The following GOLGA3 variants were observed in gnomAD, a reference collection of about 807,000 sequenced individuals.
GOLGA3 encodes golgin subfamily A member 3.
A neutral mutation model predicts 169.4 loss-of-function variants in GOLGA3; 75 were observed. That is an observed-to-expected ratio of 0.44 (90% CI 0.37 to 0.54). The LOEUF is 0.54. Ranked by LOEUF, GOLGA3 falls within the 20% of genes least tolerant of loss-of-function variation. GOLGA3 has a pLI of 0.00. For missense variants in GOLGA3, 1,899 were observed against 1,930.0 expected (o/e 0.98, Z 0.30); for synonymous variants, 824 against 822.4 (o/e 1.00, Z -0.03).
intron 11 of GOLGA3, among the ~76,000 whole-genome samples, chr12:132,795,503 G>A (rs905456902): frequency 5.3e-5 from 8 of 151,978 alleles, no homozygotes; most frequent in African/African-American, 1.9e-4. Context: ...GGTTCAGCCT[G>A]TAATCCCAGC....
intron 3 of GOLGA3, among the ~76,000 whole-genome samples, chr12:132,816,119 A>G (rs1280824944): frequency 1.3e-5 from 2 of 151,728 alleles, no homozygotes; most frequent in African/African-American, 4.8e-5. Context: ...AATGGCATGA[A>G]CCCAGGAGGC....
At chr12:132,775,827 C>T (rs187164369) in intron 21 of GOLGA3, among the ~76,000 whole-genome samples, 28 of 152,358 alleles carry the variant, frequency 1.8e-4, no homozygotes, top group South Asian at 2.1e-4. Flanking sequence ...ACTCCTTTCC[C>T]GAGCAGTCAA....
chr12:132,826,095 G>A (rs1431775627), intron 1 of GOLGA3: 11 of 1,488,484 alleles, frequency 7.4e-6, no homozygotes, highest in Admixed American at 6.7e-5. Flanking sequence ...GGCGAGTGCC[G>A]GCCTTGCCGG....
At chr12:132,816,376 T>G (rs933598062) in intron 3 of GOLGA3, among the ~76,000 whole-genome samples, 164 bp downstream of exon 3, 3 of 152,156 alleles carry the variant, frequency 2.0e-5, no homozygotes, top group Non-Finnish European at 2.9e-5. Context: ...CTCTCTAACT[T>G]GAAGCTCTCC....
Position 132,768,986 on chromosome 12 carries a change from A to C in GOLGA3, c.*4119T>G, listed in dbSNP as rs1433858387. The C allele has an allele frequency of 6.5e-6, 1 of 152,682 alleles. No homozygotes were observed. Among genetic ancestry groups the C allele is most frequent in the East Asian group, 1.9e-4 (1 of 5,202 alleles). The allele number at this position is 152,682 out of a possible 1,614,324, so 9.5% of individuals were successfully genotyped here. ...GCACACTTACATTTGTAAAAAATCA[A>C]CGTGCTTTTTAAAGTTACACTTTGT... On this transcript the variant is annotated 3_prime_UTR_variant, in exon 24 of 24. Coordinates refer to ENST00000450791, the MANE Select transcript of GOLGA3 (RefSeq NM_001389683.1).
chr12:132,790,985 AGCTT>A (rs1228857134), intron 12 of GOLGA3, among the ~76,000 whole-genome samples: 1 of 133,422 alleles, frequency 7.5e-6, no homozygotes, highest in African/African-American at 2.7e-5. Flanking sequence ...CGGGAGGCAG[AGCTT>A]GCAGTGAGCC....
intron 11 of GOLGA3, among the ~76,000 whole-genome samples, 178 bp downstream of exon 11, chr12:132,795,674 T>C (rs972266926): frequency 1.3e-5 from 2 of 152,090 alleles, no homozygotes; most frequent in Non-Finnish European, 2.9e-5. Context: ...GGCACAAGAA[T>C]TGCCTGAACC....
chr12:132,771,693 G>A lies in GOLGA3; in HGVS notation c.*1412C>T, dbSNP rs2044902335. On this transcript the variant is annotated 3_prime_UTR_variant, in exon 24 of 24. Coordinates refer to ENST00000450791, the MANE Select transcript of GOLGA3 (RefSeq NM_001389683.1). The stretch of plus-strand genomic sequence containing the variant: ...ACTTCTCGATGACTGCAGAAGTACA[G>A]GTGCTCCTACACACGAGTACAGGCG... The A allele has an allele frequency of 6.6e-6, 1 of 152,122 alleles. No individual in the cohort carries two copies. The highest frequency in any genetic ancestry group is 1.5e-5 in the Non-Finnish European group (1 of 68,002). The allele number at this position is 152,122 out of a possible 1,614,324, so 9.4% of individuals were successfully genotyped here. A position where few individuals can be genotyped will look rare whatever the true frequency, so the allele number is the denominator to read the frequency against.
At chr12:132,822,423 C>T in intron 1 of GOLGA3, 112 bp from the exon 2 acceptor site, 1 of 589,332 alleles carries the variant, frequency 1.7e-6, no homozygotes, top group Non-Finnish European at 2.7e-6. Flanking sequence ...CAAATACAAA[C>T]TTTTTCATTC....
chr12:132,786,630 C>A (rs1253345156), intron 14 of GOLGA3, 63 bp downstream of exon 14: 19 of 937,128 alleles, frequency 2.0e-5, no homozygotes, highest in Non-Finnish European at 2.4e-5. Context: ...TGGTTCGCCT[C>A]CCCCCCGGCC....
At chr12:132,822,461 A>G in intron 1 of GOLGA3, 150 bp from the exon 2 acceptor site, 1 of 527,542 alleles carries the variant, frequency 1.9e-6, no homozygotes, top group Non-Finnish European at 3.2e-6. Context: ...CACCCACAAC[A>G]TCCTAGGTTT....
At position 132,777,810 on chromosome 12, in the gene GOLGA3, G is replaced by A. The variant is rs377576423; in HGVS notation, c.3583-5C>T. ...TTCCACCTTGGCAGCAGCCACCTAGGAGGAAGGAAGCCACGTTGTCCATGC... is the reference window on the plus strand; with the variant it reads ...TTCCACCTTGGCAGCAGCCACCTAGAAGGAAGGAAGCCACGTTGTCCATGC... On this transcript the variant is annotated splice_polypyrimidine_tract_variant and splice_region_variant and intron_variant, in intron 18 of 23. Transcript: ENST00000450791. This position sits in a 1 kb window ranked among gnomAD's most constrained non-coding sequence, Gnocchi z 4.7. 3.8e-5 allele frequency: 62 copies of A among 1,613,192 alleles called. No individual in the cohort carries two copies. Among genetic ancestry groups the A allele is most frequent in the Non-Finnish European group, 4.8e-5 (57 of 1,179,786 alleles).
chr12:132,828,226 G>C (rs900449), intron 1 of GOLGA3: 1 of 152,134 alleles, frequency 6.6e-6, no homozygotes, highest in Non-Finnish European at 1.5e-5. Context: ...TCTCGCTGGC[G>C]ACCCTGGGTG....
Position 132,796,619 on chromosome 12 carries a change from G to T in GOLGA3, c.2020C>A (p.Leu674Met), listed in dbSNP as rs767568686. Reference sequence around the variant, plus strand: ...TCCCTCTCACCTTCAAACTCTTCCAGCCTCCTCTGAAGGTCCTCCTCCACC... The same window carrying T: ...TCCCTCTCACCTTCAAACTCTTCCATCCTCCTCTGAAGGTCCTCCTCCACC... ...TMVEEDLQRR[L>M]EEFEGERERL... The change falls in exon 10 of 24, where the codon CTG becomes ATG. Residue 674 changes from leucine to methionine, a missense_variant. Transcript: ENST00000450791. 14 of 1,613,916 alleles carry T rather than the reference G, an allele frequency of 8.7e-6. No homozygotes were observed. The highest frequency in any genetic ancestry group is 4.2e-6 in the Non-Finnish European group (5 of 1,180,002).
chr12:132,779,798 C>G (rs2045460046), intron 18 of GOLGA3, among the ~76,000 whole-genome samples: 1 of 123,548 alleles, frequency 8.1e-6, no homozygotes, highest in Non-Finnish European at 1.8e-5. Flanking sequence ...ACACACACCC[C>G]AGGCACACAC....
intron 7 of GOLGA3, among the ~76,000 whole-genome samples, chr12:132,803,501 C>T (rs1267320468): frequency 2.0e-5 from 3 of 152,154 alleles, no homozygotes; most frequent in Middle Eastern, 3.2e-3. Flanking sequence ...TTGGTTTTGC[C>T]ACCCCCCGAT....
At chr12:132,809,453 T>G (rs1949592974) in intron 4 of GOLGA3, among the ~76,000 whole-genome samples, 1 of 45,466 alleles carries the variant, frequency 2.2e-5, no homozygotes, top group Non-Finnish European at 5.3e-5. Flanking sequence ...CGCCCCCCGG[T>G]TCCCGGTCTG....
At chr12:132,780,724 G>C in intron 18 of GOLGA3, 74 bp downstream of exon 18, 2 of 923,170 alleles carry the variant, frequency 2.2e-6, no homozygotes, top group Middle Eastern at 3.2e-4. Flanking sequence ...GCTGGTGTGT[G>C]AAGGACCCTG....
chr12:132,796,259 C>A (rs769594496), intron 10 of GOLGA3, 39 bp from the exon 11 acceptor site: 6 of 1,548,864 alleles, frequency 3.9e-6, no homozygotes, highest in Non-Finnish European at 5.2e-6. Context: ...GCGCCTGACC[C>A]TCCTCCGAGA....
Sources: gnomAD v4.1 joint callset for allele counts (sites outside exome capture counted in the v4.1 genomes callset) on GRCh38, gnomAD v4.1.1 for gene constraint, Gnocchi (gnomAD v3.1) non-coding constraint, MANE v1.5 for transcripts, NCBI Gene and HGNC (gene_info 2026-07-23, HGNC 2026-07-21) for gene names.